Variants in ATP8B4 observed in about 807,000 individuals in gnomAD.
ATP8B4 encodes the protein ATPase phospholipid transporting 8B4 (putative).
Under a neutral mutation model 145.6 loss-of-function variants are expected in ATP8B4, and 133 were observed. That is an observed-to-expected ratio of 0.91 (90% CI 0.79 to 1.05). The LOEUF (loss-of-function observed/expected upper bound fraction) is 1.05, where lower values mean the gene tolerates loss of function less well. Among genes scored for constraint, ATP8B4 ranks in the 50% least tolerant of loss-of-function variants. The probability of loss-of-function intolerance (pLI) is 0.00; values close to 1 mark genes in which losing one functional copy is unlikely to be tolerated. For missense variants in ATP8B4, 1,458 were observed against 1,425.2 expected, an observed-to-expected ratio of 1.02 and a Z score of -0.37; for synonymous variants, 507 against 492.9, an observed-to-expected ratio of 1.03 and a Z score of -0.38.
At chr15:50,176,286 G>A (rs1275997355) in intron 1 of ATP8B4, among the ~76,000 whole-genome samples, 3 of 152,074 alleles carry the variant, frequency 2.0e-5, no homozygotes, top group African/African-American at 4.8e-5. Flanking sequence ...GCCAAACATC[G>A]TATGTTCTCA....
chr15:49,883,936 T>C (rs1458991279), intron 23 of ATP8B4, among the ~76,000 whole-genome samples: 1 of 152,216 alleles, frequency 6.6e-6, no homozygotes, highest in Non-Finnish European at 1.5e-5. Flanking sequence ...TGAGTCTGTA[T>C]GATATGTGAC....
intron 3 of ATP8B4, among the ~76,000 whole-genome samples, chr15:50,073,689 G>A (rs2053996455): frequency 6.6e-6 from 1 of 152,090 alleles, no homozygotes; most frequent in Non-Finnish European, 1.5e-5. Context: ...TGGTGGGAGT[G>A]GAACTTTATC....
chr15:49,926,699 C>T (rs1034360805), intron 16 of ATP8B4, among the ~76,000 whole-genome samples: 1 of 152,234 alleles, frequency 6.6e-6, no homozygotes, highest in Admixed American at 6.5e-5. Flanking sequence ...ATATGGGGAA[C>T]TTAAATCAAT....
intron 14 of ATP8B4, among the ~76,000 whole-genome samples, chr15:49,946,614 T>C (rs1456210176): frequency 6.6e-6 from 1 of 152,178 alleles, no homozygotes; most frequent in African/African-American, 2.4e-5. Context: ...TTTTTTTTTT[T>C]TAAATCTCTC....
At chr15:50,042,546 C>T (rs2051379689) in intron 5 of ATP8B4, among the ~76,000 whole-genome samples, 1 of 152,102 alleles carries the variant, frequency 6.6e-6, no homozygotes, top group African/African-American at 2.4e-5. Context: ...TTCATCTTCC[C>T]CCCTTAAAGA....
intron 1 of ATP8B4, among the ~76,000 whole-genome samples, chr15:50,161,466 G>A (rs1285789211): frequency 6.6e-6 from 1 of 151,784 alleles, no homozygotes; most frequent in Non-Finnish European, 1.5e-5. Flanking sequence ...CTTCCTTTTA[G>A]TGAAGGTGAT....
chr15:50,081,814 C>A (rs574068730), intron 2 of ATP8B4, among the ~76,000 whole-genome samples: 31 of 152,336 alleles, frequency 2.0e-4, no homozygotes, highest in Middle Eastern at 6.8e-3. Flanking sequence ...AACTCCAGAG[C>A]ATTTTGTCCT....
Position 49,931,186 on chromosome 15 carries a change from T to C in ATP8B4, c.1575A>G (p.Thr525=). 1 of 1,612,692 alleles carries C rather than the reference T, an allele frequency of 6.2e-7. No individual in the cohort carries two copies. Among genetic ancestry groups the C allele is most frequent in the African/African-American group, 1.3e-5 (1 of 74,946 alleles). Residue 525 remains threonine, a synonymous_variant, in exon 16 of 28, where the codon ACA becomes ACG. Transcript: ENST00000284509. ...PETITIEELG[T]LVTYQLLAFL... ...AGGCAAGTAATTGATAAGTAACTAGTGTTCCCAATTCTTCTATTGTTATGG... is the reference window on the plus strand; with the variant it reads ...AGGCAAGTAATTGATAAGTAACTAGCGTTCCCAATTCTTCTATTGTTATGG...
At chr15:50,048,735 A>T (rs964732225) in intron 3 of ATP8B4, among the ~76,000 whole-genome samples, 1 of 152,034 alleles carries the variant, frequency 6.6e-6, no homozygotes, top group Admixed American at 6.6e-5. Flanking sequence ...AGATGGGCAA[A>T]GGGGACATTA....
At position 50,038,778 on chromosome 15, in the gene ATP8B4, T is replaced by C. The variant is rs1282217101; in HGVS notation, c.352A>G (p.Ile118Val). The stretch of plus-strand genomic sequence containing the variant: ...GAATGTATTTCTTACTTGCTGTTGA[T>C]GAGCACTTCAGACTGCCGATTATTC... ...QVNNRQSEVLINSKLQNEKWM... is the reference protein window; with the variant it reads ...QVNNRQSEVLVNSKLQNEKWM... Residue 118 changes from isoleucine (I) to valine (V), a missense_variant, in exon 6 of 28, where the codon ATC becomes GTC. Physicochemically the swap from Ile to Val is conservative, Grantham distance 29. Transcript: ENST00000284509. 3 of 1,613,028 alleles carry C rather than the reference T, an allele frequency of 1.9e-6. No homozygotes were observed. In the African/African-American group the frequency reaches 4.0e-5, roughly 21 times the overall value.
At position 50,047,350 on chromosome 15, in the gene ATP8B4, C is replaced by T. The variant is rs778157442; in HGVS notation, c.201+1G>A. ...ATAGAGAAATACAACCTAAATATTACCTGTAAAATCAGAAGGCAAAGAAAA... is the reference window on the plus strand; with the variant it reads ...ATAGAGAAATACAACCTAAATATTATCTGTAAAATCAGAAGGCAAAGAAAA... On this transcript the variant is annotated splice_donor_variant, in intron 4 of 27. Transcript: ENST00000284509. LOFTEE classifies it high-confidence loss of function. The T allele has an allele frequency of 4.6e-6, 7 of 1,507,732 alleles. No individual in the cohort carries two copies. Among genetic ancestry groups the T allele is most frequent in the Non-Finnish European group, 1.8e-6 (2 of 1,085,024 alleles). The allele number at this position is 1,507,732 out of a possible 1,614,324, so 93.4% of individuals were successfully genotyped here.
At chr15:50,121,922 T>A (rs1325774377), upstream of ATP8B4, among the ~76,000 whole-genome samples, 1 of 152,178 alleles carries the variant, frequency 6.6e-6, no homozygotes, top group Non-Finnish European at 1.5e-5. Flanking sequence ...ATTAAGTATC[T>A]GAGCATTTGA....
At chr15:49,931,941 A>G (rs181869568) in intron 15 of ATP8B4, among the ~76,000 whole-genome samples, 1 of 151,902 alleles carries the variant, frequency 6.6e-6, no homozygotes, top group East Asian at 1.9e-4. Context: ...AGTGGGGGTA[A>G]GAGGGGAGAG....
At chr15:50,129,715 G>T (rs1220957650) in intron 1 of ATP8B4, among the ~76,000 whole-genome samples, 2 of 152,058 alleles carry the variant, frequency 1.3e-5, no homozygotes, top group Non-Finnish European at 2.9e-5. Flanking sequence ...GGCCAGTATT[G>T]AAATTATGTG....
intron 20 of ATP8B4, among the ~76,000 whole-genome samples, chr15:49,909,732 A>G (rs1445392722): frequency 6.6e-6 from 1 of 151,322 alleles, no homozygotes; most frequent in Non-Finnish European, 1.5e-5. Context: ...CAAAAAAAAA[A>G]AAAAAAAAAA....
At chr15:50,172,056 A>C (rs986105768) in intron 1 of ATP8B4, among the ~76,000 whole-genome samples, 2 of 152,210 alleles carry the variant, frequency 1.3e-5, no homozygotes, top group Non-Finnish European at 2.9e-5. Flanking sequence ...GAAATGGTAA[A>C]TTAAAAATTA....
chr15:49,969,283 A>T (rs999371533), intron 13 of ATP8B4, among the ~76,000 whole-genome samples: 1 of 152,332 alleles, frequency 6.6e-6, no homozygotes, highest in Non-Finnish European at 1.5e-5. Flanking sequence ...TCAGAACAGA[A>T]TGGAAGGAGA....
intron 2 of ATP8B4, among the ~76,000 whole-genome samples, chr15:50,077,764 G>C (rs1033207461): frequency 2.0e-5 from 3 of 152,186 alleles, no homozygotes; most frequent in African/African-American, 7.2e-5. Flanking sequence ...CAACACGTCA[G>C]GGAAGGAAAC....
At chr15:49,897,144 T>A in intron 23 of ATP8B4, 148 bp downstream of exon 23, 2 of 700,718 alleles carry the variant, frequency 2.9e-6, no homozygotes. Flanking sequence ...AAGTCAACTA[T>A]CAATTACATA....
Sources: allele counts gnomAD v4.1 joint callset (sites outside exome capture counted in the v4.1 genomes callset), GRCh38; gene constraint gnomAD v4.1.1; transcripts MANE v1.5; gene names NCBI Gene and HGNC (gene_info 2026-07-23, HGNC 2026-07-21).